DNAH14: variants seen among roughly 807,000 people sequenced by gnomAD.
DNAH14 encodes the protein axonemal beta dynein heavy chain 14.
A neutral mutation model predicts 520.9 loss-of-function variants in DNAH14; 478 were observed. That is an observed-to-expected ratio of 0.92 (90% CI 0.85 to 0.99). The LOEUF is 0.99. Ranked by LOEUF, DNAH14 falls within the 50% of genes least tolerant of loss-of-function variation. The pLI, the probability that DNAH14 is intolerant of heterozygous loss-of-function variation, is 0.00. For missense variants in DNAH14, 4,831 were observed against 5,234.5 expected (o/e 0.92, Z 2.38); for synonymous variants, 1,581 against 1,757.2 (o/e 0.90, Z 2.51).
intron 36 of DNAH14, among the ~76,000 whole-genome samples, chr1:225,173,467 C>T (rs766427175): frequency 2.0e-4 from 31 of 152,176 alleles, no homozygotes; most frequent in Non-Finnish European, 3.4e-4. Context: ...ACAGACACTT[C>T]TCAAAAGAAG....
At chr1:225,382,919 G>A (rs940470157) in intron 81 of DNAH14, among the ~76,000 whole-genome samples, 1 of 152,180 alleles carries the variant, frequency 6.6e-6, no homozygotes, top group African/African-American at 2.4e-5. Context: ...CTTGAAAACA[G>A]TAGTTCTTCT....
intron 49 of DNAH14, among the ~76,000 whole-genome samples, chr1:225,270,293 T>A (rs1207474691): frequency 1.7e-5 from 2 of 115,240 alleles, no homozygotes; most frequent in African/African-American, 3.5e-5. Flanking sequence ...GGACACAGAA[T>A]GGGGAACCTC....
chr1:225,254,745 C>T (rs1040130971), intron 44 of DNAH14, among the ~76,000 whole-genome samples: 1 of 152,048 alleles, frequency 6.6e-6, no homozygotes, highest in Non-Finnish European at 1.5e-5. Flanking sequence ...CTGTTTCTAT[C>T]CCCCAAATAT....
chr1:224,980,330 C>G (rs1242571391), intron 8 of DNAH14, among the ~76,000 whole-genome samples: 1 of 152,092 alleles, frequency 6.6e-6, no homozygotes, highest in East Asian at 1.9e-4. Flanking sequence ...TGGTGAACAT[C>G]AGTGGTAGCC....
intron 42 of DNAH14, among the ~76,000 whole-genome samples, chr1:225,235,586 ATTGT>A (rs1348184965): frequency 6.6e-6 from 1 of 152,104 alleles, no homozygotes. Context: ...CTCATTTTCA[ATTGT>A]TTGTAATAGT....
chr1:225,053,567 A>G (rs550461097), intron 17 of DNAH14, among the ~76,000 whole-genome samples: 196 of 152,268 alleles, frequency 1.3e-3, no homozygotes, highest in African/African-American at 4.4e-3. Context: ...TCCATCATCT[A>G]GGGGAGAGGT....
At chr1:225,063,534 G>C (rs1396152557) in intron 17 of DNAH14, among the ~76,000 whole-genome samples, 1 of 151,958 alleles carries the variant, frequency 6.6e-6, no homozygotes, top group East Asian at 1.9e-4. Context: ...TAATTGATTA[G>C]ACACTGCAGA....
intron 36 of DNAH14, among the ~76,000 whole-genome samples, chr1:225,174,518 T>C (rs1347817088): frequency 1.3e-5 from 2 of 152,354 alleles, no homozygotes; most frequent in East Asian, 3.9e-4. Flanking sequence ...TTTGTATGTT[T>C]ATTTTGTATT....
At chr1:225,312,315 A>G (rs1398419294) in intron 60 of DNAH14, among the ~76,000 whole-genome samples, 1 of 152,152 alleles carries the variant, frequency 6.6e-6, no homozygotes, top group Non-Finnish European at 1.5e-5. Flanking sequence ...AGACTGCTGA[A>G]GTTGCTTATC....
rs781704225 is a variant in DNAH14, at chr1:225,346,288, A to G, written c.11005A>G (p.Ile3669Val). ...AAAAGAAGTTCATGAGTTTATAAGT[A>G]TTTCAAAAGAACCCAACCTGGAAAA... The part of the protein sequence containing the change: ...SPKEVHEFIS[I>V]SKEPNLENEK... Residue 3669 changes from isoleucine to valine, a missense_variant, in exon 70 of 86, where the codon ATT (isoleucine) becomes GTT (valine). Ile to Val is a conservative substitution (Grantham distance 29, BLOSUM62 3). Coordinates refer to ENST00000682510, the MANE Select transcript of DNAH14 (RefSeq NM_001367479.1). 4.5e-5 allele frequency: 70 copies of G among 1,548,910 alleles called. No individual in the cohort carries two copies. The highest frequency in any genetic ancestry group is 5.8e-5 in the Non-Finnish European group (66 of 1,146,360).
intron 41 of DNAH14, among the ~76,000 whole-genome samples, chr1:225,225,751 T>TGTG (rs1272052688): frequency 7.9e-5 from 12 of 152,150 alleles, no homozygotes; most frequent in Admixed American, 7.9e-4. Flanking sequence ...TAATGTATGG[T>TGTG]GTGGTCCAAA....
intron 21 of DNAH14, among the ~76,000 whole-genome samples, chr1:225,087,645 G>T (rs2073960924): frequency 6.6e-6 from 1 of 152,218 alleles, no homozygotes; most frequent in Non-Finnish European, 1.5e-5. Flanking sequence ...ATGGGGAGGA[G>T]TACAGGCAGA....
At chr1:225,112,279 A>G (rs1014236239) in intron 23 of DNAH14, among the ~76,000 whole-genome samples, 4 of 152,152 alleles carry the variant, frequency 2.6e-5, no homozygotes, top group African/African-American at 9.6e-5. Flanking sequence ...CTGCACTTCA[A>G]GTAAGTCATG....
chr1:225,039,617 G>A (rs1307753118), intron 12 of DNAH14, among the ~76,000 whole-genome samples: 1 of 150,458 alleles, frequency 6.6e-6, no homozygotes, highest in African/African-American at 2.4e-5. Flanking sequence ...TGCCAGAATT[G>A]TTTTTCTCTC....
At chr1:225,174,468 C>CGAG (rs534407118) in intron 36 of DNAH14, among the ~76,000 whole-genome samples, 4 of 152,098 alleles carry the variant, frequency 2.6e-5, no homozygotes, top group Non-Finnish European at 5.9e-5. Flanking sequence ...ATTTCTTTCT[C>CGAG]AGTCAGTGTT....
At chr1:225,328,860 A>G (rs1273656591) in intron 64 of DNAH14, among the ~76,000 whole-genome samples, 3 of 152,326 alleles carry the variant, frequency 2.0e-5, no homozygotes, top group African/African-American at 4.8e-5. Flanking sequence ...CAAAAACAAC[A>G]TAACACATGA....
At chr1:225,352,329 T>C (rs938294622) in intron 72 of DNAH14, among the ~76,000 whole-genome samples, 1 of 152,120 alleles carries the variant, frequency 6.6e-6, no homozygotes, top group African/African-American at 2.4e-5. Context: ...CTACCTTCAC[T>C]CATAACACCC....
chr1:225,172,716 C>A (rs1450053476), intron 36 of DNAH14, among the ~76,000 whole-genome samples: 1 of 152,140 alleles, frequency 6.6e-6, no homozygotes, highest in Non-Finnish European at 1.5e-5. Context: ...TCAATGCCAT[C>A]CTCTTCAAGC....
intron 20 of DNAH14, among the ~76,000 whole-genome samples, chr1:225,084,814 A>ATTAAAAAAAAAT (rs1572953972): frequency 1.3e-5 from 2 of 151,490 alleles, no homozygotes; most frequent in Admixed American, 1.3e-4. Context: ...CTTCACTGAA[A>ATTAAAAAAAAAT]TTTTGCTTTA....
Sources: allele counts gnomAD v4.1 joint callset (sites outside exome capture counted in the v4.1 genomes callset), GRCh38; gene constraint gnomAD v4.1.1; transcripts MANE v1.5; gene names NCBI Gene and HGNC (gene_info 2026-07-23, HGNC 2026-07-21).